TBXAS1: variants seen among roughly 807,000 people sequenced by gnomAD.
TBXAS1 encodes the protein thromboxane A synthase 1.
TBXAS1 carries 48 observed loss-of-function variants against 60.7 expected under a neutral mutation model. That is an observed-to-expected ratio of 0.79 (90% CI 0.63 to 1.01). The LOEUF (loss-of-function observed/expected upper bound fraction) is 1.01, where lower values mean the gene tolerates loss of function less well. TBXAS1 is among the 50% of genes least tolerant of loss of function. TBXAS1 has a pLI of 0.00. For missense variants in TBXAS1, 685 were observed against 686.3 expected, an observed-to-expected ratio of 1.00 and a Z score of 0.02; for synonymous variants, 287 against 269.7, an observed-to-expected ratio of 1.06 and a Z score of -0.63.
chr7:139,881,996 C>G (rs930891190), intron 3 of TBXAS1, among the ~76,000 whole-genome samples: 3 of 152,196 alleles, frequency 2.0e-5, no homozygotes, highest in African/African-American at 7.2e-5. Flanking sequence ...CGTTTCAACA[C>G]TTTTTAAAGC....
At chr7:139,950,136 C>T (rs1470108388) in intron 5 of TBXAS1, among the ~76,000 whole-genome samples, 7 of 146,892 alleles carry the variant, frequency 4.8e-5, no homozygotes, top group Non-Finnish European at 1.0e-4. Flanking sequence ...CAGGTTCAAG[C>T]GATTCTCCTG....
At chr7:139,799,190 T>G (rs1797650461) in intron 4 of TBXAS1, among the ~76,000 whole-genome samples, 1 of 148,604 alleles carries the variant, frequency 6.7e-6, no homozygotes, top group South Asian at 2.1e-4. Context: ...CACCTTAGCC[T>G]CCCGAGAAGC....
chr7:139,784,011 G>GTTTTTTTTTTTTTTTT (rs11340240), intron 3 of TBXAS1, among the ~76,000 whole-genome samples: 3 of 132,066 alleles, frequency 2.3e-5, no homozygotes, highest in Non-Finnish European at 4.8e-5. Flanking sequence ...AGTTTTTTTT[G>GTTTTTTTTTTTTTTTT]TTTTTTTTTT....
chr7:139,952,014 A>AAAGAAAGAAAGAAAGAAAGAAAG (rs1569518460), intron 5 of TBXAS1, among the ~76,000 whole-genome samples: 4 of 40,080 alleles, frequency 1.0e-4, no homozygotes, highest in East Asian at 5.4e-4. Flanking sequence ...AAGAAAGAAA[A>AAAGAAAGAAAGAAAGAAAGAAAG]AGAAAGGAAG....
intron 1 of TBXAS1, among the ~76,000 whole-genome samples, chr7:139,836,569 A>G (rs975947963): frequency 2.0e-5 from 3 of 152,210 alleles, no homozygotes; most frequent in African/African-American, 4.8e-5. Flanking sequence ...TGAGGAAAGG[A>G]CACCTTTATC....
chr7:139,895,085 A>G (rs1399640572), intron 3 of TBXAS1, among the ~76,000 whole-genome samples: 2 of 152,230 alleles, frequency 1.3e-5, no homozygotes, highest in Admixed American at 1.3e-4. Context: ...GATTCTGGGT[A>G]GAATCATGGA....
At chr7:139,867,685 T>C (rs1366878098) in intron 1 of TBXAS1, among the ~76,000 whole-genome samples, 7 of 152,170 alleles carry the variant, frequency 4.6e-5, no homozygotes, top group Admixed American at 1.3e-4. Flanking sequence ...CCTGGCGTGG[T>C]GGGCGCCTGT....
At chr7:140,012,033 T>C (rs1814657706) in intron 10 of TBXAS1, among the ~76,000 whole-genome samples, 1 of 152,222 alleles carries the variant, frequency 6.6e-6, no homozygotes, top group African/African-American at 2.4e-5. Flanking sequence ...AGATTTTTCA[T>C]GGATTCCAGG....
chr7:139,851,977 C>G (rs778870757), intron 1 of TBXAS1, among the ~76,000 whole-genome samples: 1 of 152,210 alleles, frequency 6.6e-6, no homozygotes, highest in East Asian at 1.9e-4. Flanking sequence ...TGGGCTCGCT[C>G]TCTCCCTTGG....
chr7:139,969,310 CTCTT>C (rs1012355118), intron 9 of TBXAS1, among the ~76,000 whole-genome samples: 5 of 152,248 alleles, frequency 3.3e-5, no homozygotes, highest in Admixed American at 3.3e-4. Flanking sequence ...ATACAACTTA[CTCTT>C]TCTTTTTCTC....
chr7:139,878,207 G>C (rs1302024585), intron 3 of TBXAS1, among the ~76,000 whole-genome samples: 1 of 115,598 alleles, frequency 8.7e-6, no homozygotes, highest in Non-Finnish European at 1.8e-5. Context: ...GAAAGAGATA[G>C]AAAGAGATAG....
intron 1 of TBXAS1, among the ~76,000 whole-genome samples, chr7:139,837,375 A>T (rs897033925): frequency 1.1e-4 from 17 of 152,368 alleles, no homozygotes; most frequent in Non-Finnish European, 1.9e-4. Context: ...TGTTCATAGC[A>T]GCACAATCCA....
At chr7:139,922,551 C>A (rs969256429) in intron 4 of TBXAS1, among the ~76,000 whole-genome samples, 1 of 152,090 alleles carries the variant, frequency 6.6e-6, no homozygotes, top group Admixed American at 6.5e-5. Context: ...TGCCTTGAGT[C>A]TTTTGTCAGA....
chr7:139,844,850 C>T lies in TBXAS1; in HGVS notation c.89+15371C>T, dbSNP rs561811668. Among the ~76,000 whole-genome samples, 11 of 152,218 alleles carry T rather than the reference C, an allele frequency of 7.2e-5. 1 individual carries two copies. In the South Asian group the frequency reaches 2.3e-3, roughly 32 times the overall value. On this transcript the variant is annotated intron_variant, in intron 1 of 12. Transcript: ENST00000448866. ...TGTGGCATTGTGGAAATCAGCCAGGCCTTTACAGTGTAGGGACAGACACAC... is the reference window on the plus strand; with the variant it reads ...TGTGGCATTGTGGAAATCAGCCAGGTCTTTACAGTGTAGGGACAGACACAC...
intron 4 of TBXAS1, among the ~76,000 whole-genome samples, chr7:139,787,620 C>T (rs73475952): frequency 0.017 from 2,558 of 152,172 alleles, 59 homozygotes; most frequent in African/African-American, 0.055. Flanking sequence ...GCCAGGGCAA[C>T]GACTGGGATG....
intron 5 of TBXAS1, among the ~76,000 whole-genome samples, chr7:139,951,964 A>G (rs1051138133): frequency 9.7e-5 from 13 of 134,490 alleles, no homozygotes; most frequent in African/African-American, 3.7e-4. Flanking sequence ...GAAAGAAAGA[A>G]AGAAAGAAAG....
intron 1 of TBXAS1, among the ~76,000 whole-genome samples, chr7:139,860,264 C>T (rs1250797279): frequency 1.3e-5 from 2 of 152,186 alleles, no homozygotes; most frequent in Non-Finnish European, 2.9e-5. Context: ...GGCCTTCCCC[C>T]ACCCCACCCC....
At chr7:139,846,132 G>A (rs577868857) in intron 1 of TBXAS1, among the ~76,000 whole-genome samples, 1 of 152,276 alleles carries the variant, frequency 6.6e-6, no homozygotes, top group East Asian at 1.9e-4. Context: ...TATTTATGAA[G>A]GAAGGGATTG....
At chr7:139,805,712 T>TTCTCTCTCTC (rs1554466260) in intron 4 of TBXAS1, among the ~76,000 whole-genome samples, 35 of 44,356 alleles carry the variant, frequency 7.9e-4, no homozygotes, top group African/African-American at 2.7e-3. Flanking sequence ...CTTTCTTTCT[T>TTCTCTCTCTC]TCTCTCTCTC....
Sources: allele counts gnomAD v4.1 joint callset (sites outside exome capture counted in the v4.1 genomes callset), GRCh38; gene constraint gnomAD v4.1.1; transcripts MANE v1.5; gene names NCBI Gene and HGNC (gene_info 2026-07-23, HGNC 2026-07-21).